SLC8A1: variants seen among roughly 807,000 people sequenced by gnomAD.
SLC8A1 encodes the protein sodium/calcium exchanger 1.
A neutral mutation model predicts 68.3 loss-of-function variants in SLC8A1; 18 were observed. That is an observed-to-expected ratio of 0.26 (90% CI 0.18 to 0.39). The LOEUF (loss-of-function observed/expected upper bound fraction) is 0.39, where lower values mean the gene tolerates loss of function less well. Ranked by LOEUF, SLC8A1 falls within the 10% of genes least tolerant of loss-of-function variation. The pLI is 1.00. For synonymous variants in SLC8A1, 475 were observed against 415.5 expected (o/e 1.14, Z -1.74); for missense variants, 985 against 1,156.7 (o/e 0.85, Z 2.15).
intron 2 of SLC8A1, among the ~76,000 whole-genome samples, chr2:40,261,966 C>CCTTT (rs71404291): frequency 1.4e-5 from 2 of 142,098 alleles, no homozygotes; most frequent in African/African-American, 2.6e-5. Flanking sequence ...TGTCTTTTCA[C>CCTTT]TTTTTTTTTT....
At chr2:40,198,041 T>A (rs2053422664) in intron 2 of SLC8A1, among the ~76,000 whole-genome samples, 2 of 151,920 alleles carry the variant, frequency 1.3e-5, no homozygotes, top group African/African-American at 2.4e-5. Flanking sequence ...ATGGACCAGA[T>A]GAGGAACAGC....
chr2:40,247,858 A>T (rs1203738735), intron 2 of SLC8A1, among the ~76,000 whole-genome samples: 1 of 152,178 alleles, frequency 6.6e-6, no homozygotes, highest in African/African-American at 2.4e-5. Context: ...TAATTATAGA[A>T]CAGGACTCCA....
intron 2 of SLC8A1, chr2:40,251,015 A>G (rs184146311): frequency 7.8e-4 from 119 of 152,256 alleles, no homozygotes; most frequent in African/African-American, 2.8e-3. Context: ...AGAACTCGGG[A>G]GAGTTAAAGA....
chr2:40,201,649 A>T (rs2054380376), intron 2 of SLC8A1, among the ~76,000 whole-genome samples: 1 of 151,942 alleles, frequency 6.6e-6, no homozygotes, highest in Non-Finnish European at 1.5e-5. Flanking sequence ...TGCTGAAATG[A>T]GTCATGTAAA....
intron 6 of SLC8A1, among the ~76,000 whole-genome samples, chr2:40,142,433 A>AGTTATAT (rs2041755853): frequency 1.3e-5 from 2 of 152,170 alleles, no homozygotes; most frequent in Non-Finnish European, 2.9e-5. Context: ...TTTGGATCCT[A>AGTTATAT]TCCTTTTTAA....
chr2:40,368,694 G>A (rs185611948), intron 2 of SLC8A1, among the ~76,000 whole-genome samples: 17 of 152,010 alleles, frequency 1.1e-4, no homozygotes, highest in Admixed American at 1.1e-3. Context: ...GAAAACCCAG[G>A]TTAAGCCTAG....
intron 4 of SLC8A1, among the ~76,000 whole-genome samples, chr2:40,172,091 C>A (rs960565601): frequency 1.3e-5 from 2 of 152,340 alleles, no homozygotes. Context: ...CTTCTTACTG[C>A]CCCTGCATCT....
intron 2 of SLC8A1, among the ~76,000 whole-genome samples, chr2:40,363,073 A>T (rs1675067479): frequency 1.3e-5 from 2 of 152,112 alleles, no homozygotes; most frequent in African/African-American, 4.8e-5. Context: ...TTCATTCAGG[A>T]CTACAGCTTA....
At chr2:40,181,472 C>G (rs192531996) in intron 2 of SLC8A1, among the ~76,000 whole-genome samples, 1 of 152,228 alleles carries the variant, frequency 6.6e-6, no homozygotes, top group East Asian at 1.9e-4. Flanking sequence ...TTTGTAGGTG[C>G]CTGGCAAAGA....
chr2:40,448,327 C>G (rs1354689744), intron 1 of SLC8A1, among the ~76,000 whole-genome samples: 1 of 152,004 alleles, frequency 6.6e-6, no homozygotes, highest in East Asian at 1.9e-4. Flanking sequence ...GAAAGAAAAC[C>G]GAAAGTAATC....
intron 2 of SLC8A1, chr2:40,255,252 A>AATGATG (rs2063718117): frequency 2.0e-5 from 3 of 152,172 alleles, no homozygotes; most frequent in Admixed American, 2.0e-4. Flanking sequence ...CCATGGTGGA[A>AATGATG]ATGATGATAT....
exon 2 of SLC8A1, chr2:40,430,044 A>G (rs749772040): frequency 1.2e-6 from 2 of 1,613,938 alleles, no homozygotes; most frequent in Non-Finnish European, 1.7e-6. Flanking sequence ...CAAAATACAC[A>G]GTAGCTCTAG....
intron 2 of SLC8A1, among the ~76,000 whole-genome samples, chr2:40,316,196 C>T (rs978894187): frequency 1.3e-5 from 2 of 152,028 alleles, no homozygotes; most frequent in African/African-American, 2.4e-5. Flanking sequence ...GTTTATAAGC[C>T]TGGATCCAAT....
chr2:40,469,741 C>T lies in SLC8A1; in HGVS notation c.-24-39437G>A, dbSNP rs145642765. 2.8e-3 allele frequency among the ~76,000 whole-genome samples: 432 copies of T among 152,082 alleles called. 1 individual carries two copies. Among genetic ancestry groups the T allele is most frequent in the South Asian group, 6.8e-3 (33 of 4,818 alleles). ...TGTCTTTCCTATATATGTTTATAAGCTATTGAATGTATTATGGATTTTGTT... is the reference window on the plus strand; with the variant it reads ...TGTCTTTCCTATATATGTTTATAAGTTATTGAATGTATTATGGATTTTGTT... On this transcript the variant is annotated intron_variant, in intron 1 of 7. Transcript: ENST00000402441.
chr2:40,318,589 T>A lies in SLC8A1; in HGVS notation c.1808+109884A>T, dbSNP rs1004187069. Among the ~76,000 whole-genome samples, 3 of 152,104 alleles carry A rather than the reference T, an allele frequency of 2.0e-5. No homozygotes were observed. The East Asian group carries it at 5.8e-4, about 29-fold the overall frequency. ...CTTCAAATCACACACTTAACTCTTA[T>A]ACAAACTGCCTCCAACCATATGGAG... On this transcript the variant is annotated intron_variant, in intron 2 of 7. Coordinates refer to ENST00000406785, the Ensembl canonical transcript of SLC8A1.
intron 1 of SLC8A1, among the ~76,000 whole-genome samples, chr2:40,493,832 T>A (rs1705497859): frequency 6.6e-6 from 1 of 151,980 alleles, no homozygotes; most frequent in African/African-American, 2.4e-5. Flanking sequence ...TGACAACCAG[T>A]CAGTAGCTAT....
intron 2 of SLC8A1, among the ~76,000 whole-genome samples, chr2:40,366,349 A>G (rs1676192653): frequency 6.6e-6 from 1 of 152,110 alleles, no homozygotes; most frequent in South Asian, 2.1e-4. Context: ...TGTTAAATGA[A>G]TCTCAGTTTT....
At chr2:40,354,164 T>C (rs1671990309) in intron 2 of SLC8A1, among the ~76,000 whole-genome samples, 1 of 152,234 alleles carries the variant, frequency 6.6e-6, no homozygotes, top group African/African-American at 2.4e-5. Flanking sequence ...CCTAGAAATA[T>C]ATGAGTGCCT....
At chr2:40,237,208 T>A (rs1488532174) in intron 2 of SLC8A1, among the ~76,000 whole-genome samples, 1 of 152,202 alleles carries the variant, frequency 6.6e-6, no homozygotes, top group East Asian at 1.9e-4. Context: ...GTTTTCCAAC[T>A]TGGTTCCATT....
Sources: gnomAD v4.1 joint callset for allele counts (sites outside exome capture counted in the v4.1 genomes callset) on GRCh38, gnomAD v4.1.1 for gene constraint, MANE v1.5 for transcripts, NCBI Gene and HGNC (gene_info 2026-07-23, HGNC 2026-07-21) for gene names.